SCML4: variants seen among roughly 807,000 people sequenced by gnomAD.
The protein encoded by SCML4 is Scm polycomb group protein like 4.
Under a neutral mutation model 41.1 loss-of-function variants are expected in SCML4, and 34 were observed. The ratio of observed to expected loss-of-function variants is 0.83; its 90% CI spans 0.63 to 1.10. The LOEUF is 1.10. Among genes scored for constraint, SCML4 ranks in the 50% least tolerant of loss-of-function variants. The probability of loss-of-function intolerance (pLI) is 0.00; values close to 1 mark genes in which losing one functional copy is unlikely to be tolerated. For missense variants in SCML4, 522 were observed against 534.1 expected, an observed-to-expected ratio of 0.98 and a Z score of 0.22; for synonymous variants, 214 against 220.9, an observed-to-expected ratio of 0.97 and a Z score of 0.28.
chr6:107,706,045 C>A (rs1474244570), intron 7 of SCML4, among the ~76,000 whole-genome samples: 2 of 152,100 alleles, frequency 1.3e-5, no homozygotes, highest in Non-Finnish European at 2.9e-5. Flanking sequence ...TCACTGGAGA[C>A]AAAGGGTAGA....
chr6:107,833,305 C>T, the SCML4 span, among the ~76,000 whole-genome samples: 4 of 152,078 alleles, frequency 2.6e-5, no homozygotes, highest in African/African-American at 7.2e-5. Flanking sequence ...GCTCTAAGTC[C>T]GCGCTGTGTG....
intron 1 of SCML4, among the ~76,000 whole-genome samples, chr6:107,796,849 G>A (rs114974998): frequency 0.014 from 2,151 of 152,136 alleles, 49 homozygotes; most frequent in African/African-American, 0.048. Context: ...GGTAATTATT[G>A]TGTATGATGT....
intron 1 of SCML4, among the ~76,000 whole-genome samples, chr6:107,785,893 C>T (rs886778323): frequency 7.2e-5 from 11 of 152,118 alleles, no homozygotes; most frequent in South Asian, 2.1e-4. Context: ...CAGAGCCTGG[C>T]GCATACCCTG....
intron 6 of SCML4, among the ~76,000 whole-genome samples, chr6:107,711,925 G>A (rs141131506): frequency 1.6e-4 from 24 of 152,200 alleles, no homozygotes; most frequent in African/African-American, 4.6e-4. Context: ...ACATTTCTGC[G>A]TCTGTCCTAA....
At chr6:107,833,228 GTTGT>G in the SCML4 span, among the ~76,000 whole-genome samples, 1 of 152,174 alleles carries the variant, frequency 6.6e-6, no homozygotes, top group African/African-American at 2.4e-5. Flanking sequence ...CTCAAGATGC[GTTGT>G]TTAAGATTGA....
At chr6:107,825,671 T>G (rs1785221248), upstream of SCML4, among the ~76,000 whole-genome samples, 1 of 152,148 alleles carries the variant, frequency 6.6e-6, no homozygotes, top group African/African-American at 2.4e-5. Context: ...CCAGGTGCAG[T>G]GGCTCATGCC....
intron 2 of SCML4, among the ~76,000 whole-genome samples, chr6:107,752,543 A>C (rs1419938558): frequency 6.6e-6 from 1 of 152,182 alleles, no homozygotes; most frequent in African/African-American, 2.4e-5. Flanking sequence ...AGCAAGCAAA[A>C]GAAATCAGGT....
At chr6:107,732,596 T>C (rs1419360763) in intron 5 of SCML4, among the ~76,000 whole-genome samples, 2 of 152,196 alleles carry the variant, frequency 1.3e-5, no homozygotes, top group Non-Finnish European at 2.9e-5. Flanking sequence ...CTTTGGAAAT[T>C]TTGACCAAAG....
chr6:107,845,230 C>CA, the SCML4 span, among the ~76,000 whole-genome samples: 23 of 149,284 alleles, frequency 1.5e-4, no homozygotes, highest in East Asian at 7.8e-4. Flanking sequence ...AGCTAGAAAA[C>CA]AAAAAAAAAA....
At chr6:107,803,466 G>A (rs1207879316) in intron 1 of SCML4, among the ~76,000 whole-genome samples, 1 of 150,002 alleles carries the variant, frequency 6.7e-6, no homozygotes, top group East Asian at 2.0e-4. Context: ...CCCGGTCCGG[G>A]AGGTGAGGGG....
At chr6:107,797,243 A>G (rs543293340) in intron 1 of SCML4, among the ~76,000 whole-genome samples, 1 of 152,256 alleles carries the variant, frequency 6.6e-6, no homozygotes, top group Admixed American at 6.5e-5. Flanking sequence ...ATTTAACAAT[A>G]TTGAGTCTTA....
chr6:107,743,284 C>G (rs1469233683), intron 5 of SCML4, among the ~76,000 whole-genome samples: 1 of 152,086 alleles, frequency 6.6e-6, no homozygotes. Context: ...CTGAAAGGAG[C>G]CAGAAAAGCC....
chr6:107,748,604 GA>G (rs1475791121), intron 3 of SCML4, among the ~76,000 whole-genome samples: 1 of 152,182 alleles, frequency 6.6e-6, no homozygotes, highest in Non-Finnish European at 1.5e-5. Flanking sequence ...CAGGTGATAA[GA>G]AAAATCTAAT....
At chr6:107,765,166 G>T (rs7772132) in intron 2 of SCML4, among the ~76,000 whole-genome samples, 108,852 of 152,146 alleles carry the variant, frequency 0.72, 39,328 homozygotes, top group South Asian at 0.84. Flanking sequence ...AACCATACAT[G>T]TCAAGAACTG....
At chr6:107,739,911 C>T (rs1478075103) in intron 5 of SCML4, among the ~76,000 whole-genome samples, 7 of 152,282 alleles carry the variant, frequency 4.6e-5, no homozygotes, top group African/African-American at 1.7e-4. Context: ...ACCATGCCAT[C>T]GCTGCTTCCT....
intron 2 of SCML4, among the ~76,000 whole-genome samples, chr6:107,766,085 G>A (rs926867743): frequency 6.6e-6 from 1 of 152,190 alleles, no homozygotes; most frequent in Non-Finnish European, 1.5e-5. Context: ...AAGAGGTCAA[G>A]GTTGGCCGGG....
chr6:107,720,258 A>G, intron 6 of SCML4: 4 of 694,190 alleles, frequency 5.8e-6, no homozygotes, highest in Non-Finnish European at 7.1e-6. Flanking sequence ...CATCACTTTC[A>G]GATTGCAGGG....
the SCML4 span, among the ~76,000 whole-genome samples, chr6:107,838,099 G>A: frequency 7.9e-5 from 12 of 152,036 alleles, no homozygotes; most frequent in African/African-American, 2.9e-4. Flanking sequence ...GTAGAGATGG[G>A]GTTTCACCAT....
At chr6:107,771,616 C>T (rs551147716) in intron 2 of SCML4, among the ~76,000 whole-genome samples, 5 of 152,292 alleles carry the variant, frequency 3.3e-5, no homozygotes, top group South Asian at 4.2e-4. Flanking sequence ...TAGCCAAACT[C>T]GACATCAGCA....
Sources: gnomAD v4.1 joint callset for allele counts (sites outside exome capture counted in the v4.1 genomes callset) on GRCh38, gnomAD v4.1.1 for gene constraint, MANE v1.5 for transcripts, NCBI Gene and HGNC (gene_info 2026-07-23, HGNC 2026-07-21) for gene names.